The following USP3 variants were observed in gnomAD, a reference collection of about 807,000 sequenced individuals.
USP3 encodes ubiquitin carboxyl-terminal hydrolase 3.
A neutral mutation model predicts 72.3 loss-of-function variants in USP3; 20 were observed. The ratio of observed to expected loss-of-function variants is 0.28; its 90% confidence interval spans 0.19 to 0.40. The LOEUF (loss-of-function observed/expected upper bound fraction) is 0.40, where lower values mean the gene tolerates loss of function less well. Ranked by LOEUF, USP3 falls within the 10% of genes least tolerant of loss-of-function variation. USP3 has a pLI of 1.00. For missense variants in USP3, 479 were observed against 633.9 expected, an observed-to-expected ratio of 0.76 and a Z score of 2.62; for synonymous variants, 222 against 225.3, an observed-to-expected ratio of 0.99 and a Z score of 0.13.
At chr15:63,515,157 T>G (rs1363186590) in intron 1 of USP3, among the ~76,000 whole-genome samples, 1 of 152,150 alleles carries the variant, frequency 6.6e-6, no homozygotes, top group South Asian at 2.1e-4. Flanking sequence ...TTCCCCTCGT[T>G]TAGAGGTAGG....
At chr15:63,540,129 CT>C (rs1734833268) in intron 3 of USP3, among the ~76,000 whole-genome samples, 2 of 152,108 alleles carry the variant, frequency 1.3e-5, no homozygotes, top group Non-Finnish European at 2.9e-5. Flanking sequence ...AAGTCAAAGC[CT>C]TTTTTGCAGT....
chr15:63,510,234 G>C (rs76820819), intron 1 of USP3, among the ~76,000 whole-genome samples: 1,854 of 152,222 alleles, frequency 0.012, 35 homozygotes, highest in African/African-American at 0.042. Flanking sequence ...TTAGTGTGTA[G>C]CTCAGTGAGT....
chr15:63,574,015 A>G lies in USP3; in HGVS notation c.909-31A>G. 1 of 1,459,166 alleles carries G rather than the reference A, an allele frequency of 6.9e-7. No homozygotes were observed. The highest frequency in any genetic ancestry group is 9.3e-7 in the Non-Finnish European group (1 of 1,078,972). 90.4% of individuals were successfully genotyped at this position (1,459,166 alleles called of 1,614,324 possible). A position where few individuals can be genotyped will look rare whatever the true frequency, so the allele number is the denominator to read the frequency against. On this transcript the variant is annotated intron_variant, in intron 9 of 14. Transcript: ENST00000380324. This position sits in a 1 kb window ranked among gnomAD's most constrained non-coding sequence, Gnocchi z 4.6. Reference sequence around the variant, plus strand: ...ATGTCAAAGAGATGGCTTCTTACTGAGATATTTTCCTGTGTGGTGATTTTG... The same window carrying G: ...ATGTCAAAGAGATGGCTTCTTACTGGGATATTTTCCTGTGTGGTGATTTTG...
At chr15:63,547,897 G>GAGGCATAGAGAGAGT (rs2066374433) in intron 3 of USP3, among the ~76,000 whole-genome samples, 3 of 61,598 alleles carry the variant, frequency 4.9e-5, no homozygotes, top group South Asian at 4.4e-4. Flanking sequence ...AGAGAGAGAG[G>GAGGCATAGAGAGAGT]CATAGAGAGA....
intron 1 of USP3, among the ~76,000 whole-genome samples, chr15:63,513,855 T>C (rs1009438209): frequency 1.3e-5 from 2 of 152,206 alleles, no homozygotes; most frequent in Non-Finnish European, 1.5e-5. Context: ...GTTAGAAAAA[T>C]GTTCTACTAT....
At chr15:63,587,810 GAAAA>G (rs1172499176) in intron 11 of USP3, 1 of 151,998 alleles carries the variant, frequency 6.6e-6, no homozygotes, top group Non-Finnish European at 1.5e-5. Context: ...ATCTTTAAAT[GAAAA>G]AAAATGTAGC....
rs995285324 is a variant in USP3 at position 63,544,113 on chromosome 15, A to G, written c.284+6957A>G. Reference sequence around the variant, plus strand: ...TATTGTGAATAGCAAGACATTTAATATAGTTTATTTCATCTCTAGCTCATT... The same window carrying G: ...TATTGTGAATAGCAAGACATTTAATGTAGTTTATTTCATCTCTAGCTCATT... On this transcript the variant is annotated intron_variant, in intron 3 of 14. Transcript: ENST00000380324. The surrounding 1 kb of genome is among the most constrained non-coding windows in gnomAD (Gnocchi z 4.2). The G allele has an allele frequency of 2.0e-5, 3 of 150,836 alleles. No individual in the cohort carries two copies. The highest frequency in any genetic ancestry group is 4.4e-5 in the Non-Finnish European group (3 of 67,766). 9.3% of individuals were successfully genotyped at this position (150,836 alleles called of 1,614,324 possible). A position where few individuals can be genotyped will look rare whatever the true frequency, so the allele number is the denominator to read the frequency against.
intron 2 of USP3, among the ~76,000 whole-genome samples, chr15:63,534,736 A>G (rs1567100481): frequency 6.6e-6 from 1 of 152,176 alleles, no homozygotes; most frequent in East Asian, 1.9e-4. Flanking sequence ...TAAATGGACT[A>G]TGTAAAGATG....
At position 63,591,053 on chromosome 15, in the gene USP3, T is replaced by C; in HGVS notation, c.*227T>C. On this transcript the variant is annotated 3_prime_UTR_variant, in exon 15 of 15. Transcript: ENST00000380324. Reference sequence around the variant, plus strand: ...TGATTTGCTGCTTTAGTTGTAATAATTCAATTTTTATAGGTAGTTGTAAGA... The same window carrying C: ...TGATTTGCTGCTTTAGTTGTAATAACTCAATTTTTATAGGTAGTTGTAAGA... 2.2e-6 allele frequency: 1 copy of C among 456,508 alleles called. No homozygotes were observed. Among genetic ancestry groups the C allele is most frequent in the Non-Finnish European group, 3.7e-6 (1 of 269,774 alleles). The allele number at this position is 456,508 out of a possible 1,614,324, so 28.3% of individuals were successfully genotyped here.
chr15:63,553,659 C>A lies in USP3; in HGVS notation c.285-56C>A. ...CAACAGCCAGACCTTTTAGTGATTT[C>A]ATTACTGTGGTTTCCTCAAGCTCTT... On this transcript the variant is annotated intron_variant, in intron 3 of 14. Coordinates refer to ENST00000380324, the MANE Select transcript of USP3 (RefSeq NM_006537.4). The surrounding 1 kb of genome is among the most constrained non-coding windows in gnomAD (Gnocchi z 4.2). The A allele has an allele frequency of 6.5e-7, 1 of 1,528,024 alleles. No homozygotes were observed. The highest frequency in any genetic ancestry group is 1.2e-5 in the South Asian group (1 of 82,924). 94.7% of individuals were successfully genotyped at this position (1,528,024 alleles called of 1,614,324 possible). A position where few individuals can be genotyped will look rare whatever the true frequency, so the allele number is the denominator to read the frequency against.
chr15:63,563,089 G>A (rs1261568293), intron 8 of USP3, 81 bp downstream of exon 8: 1 of 1,022,284 alleles, frequency 9.8e-7, no homozygotes, highest in East Asian at 3.0e-5. Context: ...TGAAGTGGTT[G>A]TATTCTAAAT....
chr15:63,586,462 T>A (rs1465429487), intron 11 of USP3: 1 of 152,244 alleles, frequency 6.6e-6, no homozygotes, highest in Non-Finnish European at 1.5e-5. Flanking sequence ...CATAGCTTTT[T>A]ACATGATGTA....
intron 14 of USP3, among the ~76,000 whole-genome samples, chr15:63,589,735 G>GC (rs1312363657): frequency 2.0e-5 from 3 of 151,994 alleles, no homozygotes; most frequent in Non-Finnish European, 4.4e-5. Flanking sequence ...CCTATTATAT[G>GC]CATAGTGAAT....
intron 7 of USP3, among the ~76,000 whole-genome samples, chr15:63,560,852 C>T (rs545078633): frequency 1.3e-5 from 2 of 152,280 alleles, no homozygotes; most frequent in South Asian, 2.1e-4. Context: ...GACTGTGACT[C>T]GTACTCCTTA....
chr15:63,512,353 C>G (rs1228386042), intron 1 of USP3, among the ~76,000 whole-genome samples: 1 of 44,988 alleles, frequency 2.2e-5, no homozygotes, highest in South Asian at 4.4e-4. Flanking sequence ...CCTCCTCTTC[C>G]TCTTCTTCTT....
At chr15:63,505,210 C>T (rs909027858) in intron 1 of USP3, among the ~76,000 whole-genome samples, 5 of 152,028 alleles carry the variant, frequency 3.3e-5, no homozygotes, top group African/African-American at 7.2e-5. Context: ...TGTCCGGCCC[C>T]CGAGGGGCGG....
At position 63,516,334 on chromosome 15, in the gene USP3, G is replaced by C. The variant is rs1025345175; in HGVS notation, c.91+11504G>C. 2.6e-5 allele frequency among the ~76,000 whole-genome samples: 4 copies of C among 152,274 alleles called. No homozygotes were observed. The South Asian group carries it at 8.3e-4, about 32-fold the overall frequency. On this transcript the variant is annotated intron_variant, in intron 1 of 14. Coordinates refer to ENST00000380324, the MANE Select transcript of USP3 (RefSeq NM_006537.4). ...TTGAAATAGTTCTCCAGGCTGGACA[G>C]TTTTTATCGTGTGATTCCCTCTGTT...
intron 3 of USP3, among the ~76,000 whole-genome samples, chr15:63,549,915 A>G (rs1212726994): frequency 6.6e-6 from 1 of 152,256 alleles, no homozygotes; most frequent in African/African-American, 2.4e-5. Flanking sequence ...AACCAACATT[A>G]GCTAATAATG....
chr15:63,581,345 TTGTGTGTG>T (rs59188081), intron 11 of USP3, among the ~76,000 whole-genome samples: 1,480 of 130,108 alleles, frequency 0.011, 21 homozygotes, highest in African/African-American at 0.026. Context: ...GTGTTGGTTT[TTGTGTGTG>T]TGTGTGTGTG....
Sources: allele counts gnomAD v4.1 joint callset (sites outside exome capture counted in the v4.1 genomes callset), GRCh38; gene constraint gnomAD v4.1.1; non-coding constraint Gnocchi (gnomAD v3.1); transcripts MANE v1.5; gene names NCBI Gene and HGNC (gene_info 2026-07-23, HGNC 2026-07-21).